TCERG1L: variants seen among roughly 807,000 people sequenced by gnomAD.
TCERG1L encodes transcription elongation regulator 1 like, also known as transcription elongation regulator 1-like protein.
TCERG1L carries 37 observed loss-of-function variants against 56.3 expected under a neutral mutation model. The observed-to-expected ratio is 0.66, with a 90% confidence interval of 0.51 to 0.87. The LOEUF is 0.87. Among genes scored for constraint, TCERG1L ranks in the 40% least tolerant of loss-of-function variants. The pLI is 0.00. For missense variants in TCERG1L, 799 were observed against 774.2 expected, an observed-to-expected ratio of 1.03 and a Z score of -0.38; for synonymous variants, 324 against 326.3, an observed-to-expected ratio of 0.99 and a Z score of 0.08.
Position 131,092,995 on chromosome 10 carries a change from T to A in TCERG1L, c.*167A>T. On this transcript the variant is annotated 3_prime_UTR_variant, in exon 12 of 12. Transcript: ENST00000368642. ...ACTCTGAATGTACAAAAGAGAGAGC[T>A]TCAATATGAAACAGTAATCCTCTGA... 1 of 602,832 alleles carries A rather than the reference T, an allele frequency of 1.7e-6. No individual in the cohort carries two copies. Among genetic ancestry groups the A allele is most frequent in the Non-Finnish European group, 2.8e-6 (1 of 352,598 alleles). 37.3% of individuals were successfully genotyped at this position (602,832 alleles called of 1,614,324 possible). A position where few individuals can be genotyped will look rare whatever the true frequency, so the allele number is the denominator to read the frequency against.
At chr10:131,195,797 G>A (rs145812560) in intron 4 of TCERG1L, among the ~76,000 whole-genome samples, 1,747 of 152,260 alleles carry the variant, frequency 0.011, 25 homozygotes, top group Middle Eastern at 0.041. Flanking sequence ...CTTGTCTTCC[G>A]CAAGGCCTTC....
At chr10:131,241,054 G>C (rs909931326) in intron 4 of TCERG1L, among the ~76,000 whole-genome samples, 1 of 152,190 alleles carries the variant, frequency 6.6e-6, no homozygotes, top group African/African-American at 2.4e-5. Flanking sequence ...AAGAGCGGAA[G>C]ATTGAGATCA....
At chr10:131,309,056 C>A in intron 2 of TCERG1L, 97 bp downstream of exon 2, 2 of 1,418,128 alleles carry the variant, frequency 1.4e-6, no homozygotes, top group Non-Finnish European at 1.9e-6. Flanking sequence ...CAATTTATGG[C>A]AACAAGAAAA....
chr10:131,132,364 T>C (rs1845627273), intron 8 of TCERG1L, among the ~76,000 whole-genome samples: 1 of 152,234 alleles, frequency 6.6e-6, no homozygotes, highest in Non-Finnish European at 1.5e-5. Flanking sequence ...CATCCGTGCA[T>C]GTTTCAAAGT....
chr10:131,214,355 A>T (rs1845647428), intron 4 of TCERG1L, among the ~76,000 whole-genome samples: 1 of 152,122 alleles, frequency 6.6e-6, no homozygotes, highest in Non-Finnish European at 1.5e-5. Flanking sequence ...TCCCTTCCAC[A>T]GGATCTTGTT....
At chr10:131,134,207 G>A (rs10765037) in intron 8 of TCERG1L, among the ~76,000 whole-genome samples, 172 bp downstream of exon 8, 40,216 of 152,086 alleles carry the variant, frequency 0.26, 5,507 homozygotes, top group South Asian at 0.39. Flanking sequence ...TACCTGCTTC[G>A]GCAGGTGCCC....
At chr10:131,277,969 A>T (rs902338412) in intron 3 of TCERG1L, among the ~76,000 whole-genome samples, 11 of 152,074 alleles carry the variant, frequency 7.2e-5, no homozygotes, top group Non-Finnish European at 1.3e-4. Context: ...TTCATTCCGC[A>T]TGTGGGGAGC....
At chr10:131,283,945 A>G (rs58432240) in intron 3 of TCERG1L, among the ~76,000 whole-genome samples, 8,128 of 152,060 alleles carry the variant, frequency 0.053, 339 homozygotes, top group African/African-American at 0.11. Context: ...CAACATTGTG[A>G]AACCCTGTCT....
intron 10 of TCERG1L, among the ~76,000 whole-genome samples, chr10:131,101,965 G>A (rs1427273562): frequency 3.3e-5 from 5 of 152,172 alleles, no homozygotes; most frequent in South Asian, 4.1e-4. Flanking sequence ...GCCTCCCAAA[G>A]GGCTGGGATT....
chr10:131,127,609 G>A (rs1380404918), intron 8 of TCERG1L, among the ~76,000 whole-genome samples: 1 of 152,220 alleles, frequency 6.6e-6, no homozygotes, highest in Non-Finnish European at 1.5e-5. Flanking sequence ...GAGATGCCAG[G>A]GAATGGAGGG....
At chr10:131,297,852 A>G (rs1025827006) in intron 3 of TCERG1L, among the ~76,000 whole-genome samples, 1 of 152,062 alleles carries the variant, frequency 6.6e-6, no homozygotes, top group Non-Finnish European at 1.5e-5. Flanking sequence ...ATTTATGATT[A>G]TAGTTTATAT....
chr10:131,143,544 G>T (rs952246042), intron 7 of TCERG1L, among the ~76,000 whole-genome samples: 1 of 152,200 alleles, frequency 6.6e-6, no homozygotes, highest in Non-Finnish European at 1.5e-5. Flanking sequence ...AGCAGAGCGG[G>T]CCAAGGTGGT....
rs529603866 is a variant in TCERG1L, at chr10:131,214,363, G to A, written c.856+45896C>T. 1.7e-3 allele frequency among the ~76,000 whole-genome samples: 263 copies of A among 152,260 alleles called. 1 individual carries two copies. Among genetic ancestry groups the A allele is most frequent in the African/African-American group, 5.9e-3 (245 of 41,566 alleles). On this transcript the variant is annotated intron_variant, in intron 4 of 11. Transcript: ENST00000368642. ...CATCTCTTCCCTTCCACAGGATCTT[G>A]TTCCAGCTGGTGGCATCTCAGCCAC... is the stretch of plus-strand genomic sequence containing the variant.
At chr10:131,269,724 A>G (rs1412133553) in intron 3 of TCERG1L, among the ~76,000 whole-genome samples, 1 of 152,248 alleles carries the variant, frequency 6.6e-6, no homozygotes, top group East Asian at 1.9e-4. Flanking sequence ...AAAAACTTTG[A>G]AACACTGAGA....
At chr10:131,105,072 A>G (rs1845339392) in intron 9 of TCERG1L, among the ~76,000 whole-genome samples, 1 of 152,236 alleles carries the variant, frequency 6.6e-6, no homozygotes, top group African/African-American at 2.4e-5. Context: ...AGGGTCTCAG[A>G]TGGCCCTTGC....
At chr10:131,233,464 ACACACACACAGACACGCACACACGCT>A (rs1229628179) in intron 4 of TCERG1L, among the ~76,000 whole-genome samples, 2 of 151,792 alleles carry the variant, frequency 1.3e-5, no homozygotes, top group African/African-American at 2.4e-5. Flanking sequence ...ACAGACACAC[ACACACACACAGACACGCACACACGCT>A]CACACACACA....
At chr10:131,136,924 G>C (rs1343820349) in intron 7 of TCERG1L, among the ~76,000 whole-genome samples, 1 of 151,620 alleles carries the variant, frequency 6.6e-6, no homozygotes, top group Non-Finnish European at 1.5e-5. Flanking sequence ...GGTGGATCAT[G>C]AGGTCAGGAG....
chr10:131,123,721 C>T (rs1280771511), intron 8 of TCERG1L, among the ~76,000 whole-genome samples: 2 of 151,874 alleles, frequency 1.3e-5, no homozygotes, highest in Non-Finnish European at 2.9e-5. Context: ...CGCTCTGAGC[C>T]TTGGAGTGCA....
chr10:131,094,067 G>T (rs1442781641), intron 11 of TCERG1L, among the ~76,000 whole-genome samples: 1 of 152,232 alleles, frequency 6.6e-6, no homozygotes, highest in African/African-American at 2.4e-5. Context: ...CAGCAAGGCT[G>T]TTCTCAAGGC....
Sources: allele counts gnomAD v4.1 joint callset (sites outside exome capture counted in the v4.1 genomes callset), GRCh38; gene constraint gnomAD v4.1.1; transcripts MANE v1.5; gene names NCBI Gene and HGNC (gene_info 2026-07-23, HGNC 2026-07-21).